The following VWA8 variants were observed in gnomAD, a reference collection of about 807,000 sequenced individuals.
The protein encoded by VWA8 is von Willebrand factor A domain containing 8.
A neutral mutation model predicts 241.5 loss-of-function variants in VWA8; 221 were observed. The observed-to-expected ratio is 0.91, with a 90% CI of 0.82 to 1.02. VWA8 has a LOEUF of 1.02. VWA8 is among the 50% of genes least tolerant of loss of function. VWA8 has a pLI of 0.00. For missense variants in VWA8, 2,322 were observed against 2,328.7 expected, an observed-to-expected ratio of 1.00 and a Z score of 0.06; for synonymous variants, 852 against 827.1, an observed-to-expected ratio of 1.03 and a Z score of -0.52.
chr13:41,885,845 C>T, intron 8 of VWA8, 75 bp downstream of exon 8: 2 of 1,033,210 alleles, frequency 1.9e-6, no homozygotes, highest in Non-Finnish European at 2.8e-6. Flanking sequence ...AAACTGAAGT[C>T]ATTAATCCCT....
At chr13:41,575,707 T>G (rs780724341) in intron 43 of VWA8, 33 bp downstream of exon 43, 4 of 1,512,806 alleles carry the variant, frequency 2.6e-6, no homozygotes, top group Non-Finnish European at 3.6e-6. Flanking sequence ...TGATAGAAGC[T>G]TTCATAATAC....
rs370728776 is a variant in VWA8 at position 41,953,770 on chromosome 13, T to C, written c.164-3757A>G. Among the ~76,000 whole-genome samples, 8 of 152,066 alleles carry C rather than the reference T, an allele frequency of 5.3e-5. No individual in the cohort carries two copies. The South Asian group carries it at 1.0e-3, about 20-fold the overall frequency. ...GTTGCAGTGAGCCGAGATAGCGCCATTGCACTCCAGCCTGGGCAACAAGAG... is the reference window on the plus strand; with the variant it reads ...GTTGCAGTGAGCCGAGATAGCGCCACTGCACTCCAGCCTGGGCAACAAGAG... On this transcript the variant is annotated intron_variant, in intron 1 of 44. Coordinates refer to ENST00000379310, the MANE Select transcript of VWA8 (RefSeq NM_015058.2).
At chr13:41,934,196 G>A (rs1422724029) in intron 2 of VWA8, among the ~76,000 whole-genome samples, 3 of 150,444 alleles carry the variant, frequency 2.0e-5, no homozygotes, top group Non-Finnish European at 4.4e-5. Context: ...ATATAAAGAT[G>A]ATAAATAAAC....
chr13:41,662,431 T>TTTAATTGTTAGTTA (rs1218342997), intron 37 of VWA8, among the ~76,000 whole-genome samples: 2 of 152,048 alleles, frequency 1.3e-5, no homozygotes, highest in African/African-American at 4.8e-5. Context: ...ATTTTTAAAT[T>TTTAATTGTTAGTTA]TTAATTGTTA....
chr13:41,813,916 A>AT (rs1870578742), intron 16 of VWA8, among the ~76,000 whole-genome samples: 1 of 152,160 alleles, frequency 6.6e-6, no homozygotes, highest in Non-Finnish European at 1.5e-5. Context: ...TATGAAGCAC[A>AT]TTCCCCTAGT....
intron 9 of VWA8, 112 bp downstream of exon 9, chr13:41,883,275 G>A (rs1257832698): frequency 2.6e-6 from 2 of 756,652 alleles, no homozygotes; most frequent in East Asian, 2.7e-5. Context: ...AAAGAAATAA[G>A]GATGGGGAGA....
intron 2 of VWA8, among the ~76,000 whole-genome samples, chr13:41,942,031 TAA>T (rs1383208693): frequency 6.6e-6 from 1 of 152,192 alleles, no homozygotes; most frequent in Non-Finnish European, 1.5e-5. Flanking sequence ...ACACTCATAA[TAA>T]GAGAAGACCC....
Position 41,590,780 on chromosome 13 carries a change from C to T in VWA8, c.4987-15G>A. ...TTACCTTTAGCCTACAAAAGACACA[C>T]ATACACACACAAAGCCTTAATTAGT... On this transcript the variant is annotated splice_polypyrimidine_tract_variant and intron_variant, in intron 40 of 44. Coordinates refer to ENST00000379310, the MANE Select transcript of VWA8 (RefSeq NM_015058.2). 1 of 1,613,384 alleles carries T rather than the reference C, an allele frequency of 6.2e-7. No individual in the cohort carries two copies. Among genetic ancestry groups the T allele is most frequent in the Non-Finnish European group, 8.5e-7 (1 of 1,179,526 alleles).
intron 4 of VWA8, among the ~76,000 whole-genome samples, chr13:41,901,108 A>ATTTT (rs34752001): frequency 5.7e-5 from 7 of 123,574 alleles, no homozygotes; most frequent in South Asian, 2.7e-4. Flanking sequence ...CATGATCATC[A>ATTTT]TTTTTTTTTT....
chr13:41,787,640 CT>C (rs1293152430), intron 17 of VWA8, 97 bp from the exon 18 acceptor site: 12 of 454,210 alleles, frequency 2.6e-5, no homozygotes, highest in Admixed American at 4.1e-5. Flanking sequence ...ACACACACTC[CT>C]TACTAATTAC....
At chr13:41,867,839 A>T (rs1873383190) in intron 10 of VWA8, among the ~76,000 whole-genome samples, 1 of 152,162 alleles carries the variant, frequency 6.6e-6, no homozygotes, top group African/African-American at 2.4e-5. Flanking sequence ...ATATAGTAAG[A>T]CTCCATAAAA....
intron 33 of VWA8, 136 bp from the exon 34 acceptor site, chr13:41,689,644 G>T: frequency 2.2e-6 from 2 of 895,960 alleles, no homozygotes; most frequent in South Asian, 3.4e-5. Context: ...TTACATTCAT[G>T]GGCTTTTGTT....
At chr13:41,926,156 TG>T in intron 2 of VWA8, 1 of 606,208 alleles carries the variant, frequency 1.6e-6, no homozygotes, top group Non-Finnish European at 3.0e-6. Context: ...AGGGGAACCC[TG>T]GGAAAACCAA....
chr13:41,951,559 A>C (rs1422515076), intron 1 of VWA8, among the ~76,000 whole-genome samples: 2 of 152,210 alleles, frequency 1.3e-5, no homozygotes, highest in Admixed American at 6.5e-5. Context: ...ACTAAACTGA[A>C]TAATCTCTCC....
intron 4 of VWA8, among the ~76,000 whole-genome samples, chr13:41,891,936 G>T (rs1416720573): frequency 6.6e-6 from 1 of 152,136 alleles, no homozygotes; most frequent in Non-Finnish European, 1.5e-5. Flanking sequence ...TCCACAACTG[G>T]AAAAGAAAAA....
chr13:41,700,366 C>A (rs984863785), intron 28 of VWA8, among the ~76,000 whole-genome samples: 1 of 151,736 alleles, frequency 6.6e-6, no homozygotes, highest in African/African-American at 2.4e-5. Flanking sequence ...ATAAGAAACA[C>A]AAGTCAACAG....
chr13:41,718,431 C>CA lies in VWA8; in HGVS notation c.3116+1159dup, dbSNP rs1170504090. ...ATCCATCAGTAAAATAGCATTGTGCCAAAAAAAAGTGTGCATTTGCAACTG... is the reference window on the plus strand; with the variant it reads ...ATCCATCAGTAAAATAGCATTGTGCCAAAAAAAAAGTGTGCATTTGCAACTG... On this transcript the variant is annotated intron_variant, in intron 26 of 44. Coordinates refer to ENST00000379310, the MANE Select transcript of VWA8 (RefSeq NM_015058.2). Among the ~76,000 whole-genome samples the CA allele has an allele frequency of 7.3e-5, 11 of 150,898 alleles. No homozygotes were observed. In the East Asian group the frequency reaches 1.4e-3, roughly 19 times the overall value.
chr13:41,720,450 C>T (rs2045380626), intron 25 of VWA8, among the ~76,000 whole-genome samples: 5 of 152,012 alleles, frequency 3.3e-5, no homozygotes, highest in Non-Finnish European at 5.9e-5. Context: ...TTATGGGGTA[C>T]AATGTGATAT....
chr13:41,828,416 C>A (rs923575823), intron 14 of VWA8, among the ~76,000 whole-genome samples: 1 of 152,068 alleles, frequency 6.6e-6, no homozygotes, highest in African/African-American at 2.4e-5. Context: ...GTTAAAATAT[C>A]CATGGAAATG....
Sources: gnomAD v4.1 joint callset for allele counts (sites outside exome capture counted in the v4.1 genomes callset) on GRCh38, gnomAD v4.1.1 for gene constraint, MANE v1.5 for transcripts, NCBI Gene and HGNC (gene_info 2026-07-23, HGNC 2026-07-21) for gene names.